The following PDZRN4 variants were observed in gnomAD, a reference collection of about 807,000 sequenced individuals.
The protein encoded by PDZRN4 is PDZ domain containing ring finger 4.
PDZRN4 carries 70 observed loss-of-function variants against 99.0 expected under a neutral mutation model. The ratio of observed to expected loss-of-function variants is 0.71; its 90% confidence interval spans 0.58 to 0.86. The LOEUF is 0.86. Ranked by LOEUF, PDZRN4 falls within the 40% of genes least tolerant of loss-of-function variation. The probability of loss-of-function intolerance (pLI) is 0.00; values close to 1 mark genes in which losing one functional copy is unlikely to be tolerated. For synonymous variants in PDZRN4, 551 were observed against 501.6 expected (o/e 1.10, Z -1.32); for missense variants, 1,474 against 1,331.2 (o/e 1.11, Z -1.67).
chr12:41,275,686 G>A (rs542246545), intron 3 of PDZRN4, among the ~76,000 whole-genome samples: 2 of 151,988 alleles, frequency 1.3e-5, no homozygotes, highest in Non-Finnish European at 2.9e-5. Flanking sequence ...ATTTCTGAGG[G>A]ATTATTACAT....
At chr12:41,228,969 C>G (rs1951012962) in intron 3 of PDZRN4, among the ~76,000 whole-genome samples, 1 of 151,886 alleles carries the variant, frequency 6.6e-6, no homozygotes, top group African/African-American at 2.4e-5. Context: ...CGCTTAGATT[C>G]TTAAAGAATT....
intron 5 of PDZRN4, among the ~76,000 whole-genome samples, chr12:41,536,932 A>G (rs2120755297): frequency 6.6e-6 from 1 of 152,276 alleles, no homozygotes; most frequent in South Asian, 2.1e-4. Context: ...GCCTAGCAAT[A>G]CCTACTGGCA....
chr12:41,409,981 G>T (rs1218048178), intron 3 of PDZRN4: 1 of 152,160 alleles, frequency 6.6e-6, no homozygotes, highest in African/African-American at 2.4e-5. Flanking sequence ...TCAGAAACCA[G>T]TATGACCTCA....
intron 3 of PDZRN4, chr12:41,437,950 C>T: frequency 6.2e-7 from 1 of 1,614,002 alleles, no homozygotes; most frequent in Non-Finnish European, 8.5e-7. Flanking sequence ...TTAGAATGGG[C>T]TGCAATTTGT....
intron 3 of PDZRN4, among the ~76,000 whole-genome samples, chr12:41,357,293 C>G (rs1425187285): frequency 6.6e-6 from 1 of 151,814 alleles, no homozygotes; most frequent in Non-Finnish European, 1.5e-5. Context: ...ATGCTACTTG[C>G]TAGCAATAAA....
At chr12:41,434,781 ACTT>A (rs1952614713) in intron 3 of PDZRN4, among the ~76,000 whole-genome samples, 1 of 152,192 alleles carries the variant, frequency 6.6e-6, no homozygotes, top group Non-Finnish European at 1.5e-5. Context: ...TTCTAAGGAT[ACTT>A]GGAAAGATAG....
chr12:41,354,205 G>A (rs1951911325), intron 3 of PDZRN4, among the ~76,000 whole-genome samples: 1 of 152,068 alleles, frequency 6.6e-6, no homozygotes, highest in South Asian at 2.1e-4. Context: ...TAGTAATAAG[G>A]TAGGTGTCAG....
chr12:41,467,377 C>T (rs1022641485), intron 3 of PDZRN4, among the ~76,000 whole-genome samples: 1 of 152,194 alleles, frequency 6.6e-6, no homozygotes, highest in African/African-American at 2.4e-5. Flanking sequence ...GAAATTAATA[C>T]CCCAGGTGTC....
At chr12:41,437,031 C>T (rs1952635638) in intron 3 of PDZRN4, among the ~76,000 whole-genome samples, 1 of 152,130 alleles carries the variant, frequency 6.6e-6, no homozygotes, top group Non-Finnish European at 1.5e-5. Flanking sequence ...AATATATACT[C>T]AATAGATGGG....
At chr12:41,362,605 G>A (rs1951972065) in intron 3 of PDZRN4, among the ~76,000 whole-genome samples, 1 of 151,996 alleles carries the variant, frequency 6.6e-6, no homozygotes, top group Non-Finnish European at 1.5e-5. Flanking sequence ...ATCTTCAAAT[G>A]AAAGAAGCAA....
At chr12:41,400,839 A>G (rs1421260017) in intron 3 of PDZRN4, among the ~76,000 whole-genome samples, 1 of 152,190 alleles carries the variant, frequency 6.6e-6, no homozygotes, top group East Asian at 1.9e-4. Context: ...ACTTCATTCC[A>G]GGGAAATATA....
At chr12:41,277,252 G>A (rs182822635) in intron 3 of PDZRN4, among the ~76,000 whole-genome samples, 200 of 152,246 alleles carry the variant, frequency 1.3e-3, no homozygotes, top group African/African-American at 4.6e-3. Flanking sequence ...ATCTGAACTT[G>A]GGTACTAAAA....
chr12:41,469,382 T>C (rs1241949310), intron 3 of PDZRN4, among the ~76,000 whole-genome samples: 1 of 152,204 alleles, frequency 6.6e-6, no homozygotes, highest in Non-Finnish European at 1.5e-5. Context: ...CCTATGTGAA[T>C]CTTACCTTGT....
At chr12:41,297,155 T>C (rs2120922638) in intron 3 of PDZRN4, among the ~76,000 whole-genome samples, 1 of 152,310 alleles carries the variant, frequency 6.6e-6, no homozygotes, top group South Asian at 2.1e-4. Context: ...TTTCTGTTTT[T>C]TAATTTTCAT....
intron 3 of PDZRN4, among the ~76,000 whole-genome samples, chr12:41,273,191 T>G (rs1163702432): frequency 6.6e-6 from 1 of 152,058 alleles, no homozygotes; most frequent in Non-Finnish European, 1.5e-5. Flanking sequence ...TTAGGCACTA[T>G]GGATAGAAAT....
At chr12:41,552,347 C>A (rs1421230147) in intron 5 of PDZRN4, among the ~76,000 whole-genome samples, 2 of 152,098 alleles carry the variant, frequency 1.3e-5, no homozygotes, top group Admixed American at 1.3e-4. Flanking sequence ...CCAGTGTATT[C>A]ATGTATACAT....
intron 3 of PDZRN4, among the ~76,000 whole-genome samples, chr12:41,388,768 G>A (rs889020055): frequency 6.6e-6 from 1 of 152,156 alleles, no homozygotes; most frequent in Non-Finnish European, 1.5e-5. Flanking sequence ...TTTGATTAAA[G>A]CAATTAAAAG....
At chr12:41,514,328 C>T in intron 5 of PDZRN4, among the ~76,000 whole-genome samples, 1 of 152,012 alleles carries the variant, frequency 6.6e-6, no homozygotes, top group African/African-American at 2.4e-5. Context: ...GGAGCTAGAT[C>T]CCTGCAAATA....
chr12:41,506,715 A>AT lies in PDZRN4; in HGVS notation c.1100+8dup. ...TGTCCATTCCTGCTCTCAGACAGGTATTTTTCTATCATTTCTTCCAAAGCC... is the reference window on the plus strand; with the variant it reads ...TGTCCATTCCTGCTCTCAGACAGGTATTTTTTCTATCATTTCTTCCAAAGCC... On this transcript the variant is annotated splice_donor_region_variant and intron_variant, in intron 4 of 9. Coordinates refer to ENST00000402685, the MANE Select transcript of PDZRN4 (RefSeq NM_001164595.2). 3 of 1,597,434 alleles carry AT rather than the reference A, an allele frequency of 1.9e-6. No homozygotes were observed. Among genetic ancestry groups the AT allele is most frequent in the Non-Finnish European group, 2.6e-6 (3 of 1,170,850 alleles).
Sources: allele counts gnomAD v4.1 joint callset (sites outside exome capture counted in the v4.1 genomes callset), GRCh38; gene constraint gnomAD v4.1.1; transcripts MANE v1.5; gene names NCBI Gene and HGNC (gene_info 2026-07-23, HGNC 2026-07-21).